Variants in SLFN12L observed in about 807,000 individuals in gnomAD.
SLFN12L encodes schlafen family member 12 like.
Under a neutral mutation model 34.8 loss-of-function variants are expected in SLFN12L, and 34 were observed. That is an observed-to-expected ratio of 0.98 (90% confidence interval 0.74 to 1.30). The LOEUF (loss-of-function observed/expected upper bound fraction) is 1.30. Among genes scored for constraint, SLFN12L ranks in the 50% most tolerant of loss-of-function variants. The probability of loss-of-function intolerance (pLI) is 0.00; values close to 1 mark genes in which losing one functional copy is unlikely to be tolerated. For synonymous variants in SLFN12L, 259 were observed against 247.5 expected (o/e 1.05, Z -0.44); for missense variants, 703 against 696.2 (o/e 1.01, Z -0.11).
chr17:35,532,060 T>C (rs1567695779), intron 1 of SLFN12L, among the ~76,000 whole-genome samples: 2 of 152,330 alleles, frequency 1.3e-5, no homozygotes, highest in South Asian at 4.1e-4. Flanking sequence ...AAAACTCTAG[T>C]AGATTTCTTC....
At chr17:35,515,706 C>T (rs908086341) in intron 2 of SLFN12L, among the ~76,000 whole-genome samples, 10 of 136,624 alleles carry the variant, frequency 7.3e-5, no homozygotes, top group Non-Finnish European at 6.1e-5. Context: ...TGAAGTGGCA[C>T]GATCTTGGCT....
Position 35,466,795 on chromosome 17 carries a change from G to A in SLFN12L, c.*8128C>T, listed in dbSNP as rs1913725105. On this transcript the variant is annotated 3_prime_UTR_variant, in exon 5 of 5. Coordinates refer to ENST00000628453, the MANE Select transcript of SLFN12L (RefSeq NM_001363830.2). ...CTCTACTCATGCCTCCTAAAGTCTA[G>A]ACCACCTGTGATGGCTACGAATTGC... Among the ~76,000 whole-genome samples the A allele has an allele frequency of 6.6e-6, 1 of 152,112 alleles. No homozygotes were observed. Among genetic ancestry groups the A allele is most frequent in the Admixed American group, 6.6e-5 (1 of 15,260 alleles).
intron 2 of SLFN12L, among the ~76,000 whole-genome samples, chr17:35,486,057 A>G (rs1914568854): frequency 6.6e-6 from 1 of 152,238 alleles, no homozygotes; most frequent in South Asian, 2.1e-4. Context: ...TGGTAATTTC[A>G]TAGGAATAGC....
In SLFN12L at chr17:35,469,357, T is replaced by A. The variant is rs1310812985; in HGVS notation, c.*5566A>T. 1.1e-4 allele frequency among the ~76,000 whole-genome samples: 16 copies of A among 145,926 alleles called. No homozygotes were observed. The highest frequency in any genetic ancestry group is 4.0e-4 in the African/African-American group (16 of 39,826). ...ATATATAATATATATATATATGTAT[T>A]TCAAACTTTTAACCCACTTTAAAAC... On this transcript the variant is annotated 3_prime_UTR_variant, in exon 5 of 5. Transcript: ENST00000628453.
At position 35,479,806 on chromosome 17, in the gene SLFN12L, G is replaced by A. The variant is rs763566782; in HGVS notation, c.476C>T (p.Pro159Leu). The change falls in exon 3 of 5, where the codon CCG becomes CTG. Residue 159 changes from proline (P) to leucine (L), a missense_variant. Physicochemically the swap from Pro to Leu is moderately conservative, Grantham distance 98 (BLOSUM62 -3). Transcript: ENST00000628453. The stretch of plus-strand genomic sequence containing the variant: ...ACTGGAGCTCAACGTGGCAATCTGC[G>A]GACCAGAGGTTTCCAAGCTCCATGA... The part of the protein sequence containing the change: ...VKSWSLETSG[P>L]QIATLSSSLY... 9.9e-6 allele frequency: 16 copies of A among 1,610,474 alleles called. No individual in the cohort carries two copies. The highest frequency in any genetic ancestry group is 6.7e-5 in the African/African-American group (5 of 74,388).
At chr17:35,495,139 A>G (rs547690450) in intron 2 of SLFN12L, among the ~76,000 whole-genome samples, 1 of 152,204 alleles carries the variant, frequency 6.6e-6, no homozygotes, top group East Asian at 1.9e-4. Flanking sequence ...GGCTCATGCA[A>G]TCTGCCCGCC....
At chr17:35,519,631 T>C (rs538279336) in intron 2 of SLFN12L, among the ~76,000 whole-genome samples, 1 of 152,306 alleles carries the variant, frequency 6.6e-6, no homozygotes, top group South Asian at 2.1e-4. Flanking sequence ...ACTGCACTTA[T>C]GACACCTGAG....
At position 35,490,500 on chromosome 17, in the gene SLFN12L, C is replaced by T. The variant is rs1019722243; in HGVS notation, c.87-10305G>A. 7 of 923,420 alleles carry T rather than the reference C, an allele frequency of 7.6e-6. No homozygotes were observed. In the African/African-American group the frequency reaches 1.1e-4, roughly 15 times the overall value. The allele number at this position is 923,420 out of a possible 1,614,324, so 57.2% of individuals were successfully genotyped here. On this transcript the variant is annotated intron_variant, in intron 2 of 4. Coordinates refer to ENST00000628453, the MANE Select transcript of SLFN12L (RefSeq NM_001363830.2). Reference sequence around the variant, plus strand: ...ATGATATCACCAAAGCTCTGAAAGGCATCCATCTCATTAAGAAGAAGTCTA... The same window carrying T: ...ATGATATCACCAAAGCTCTGAAAGGTATCCATCTCATTAAGAAGAAGTCTA...
At position 35,474,270 on chromosome 17, in the gene SLFN12L, G is replaced by GA. The variant is rs1913858089; in HGVS notation, c.*652dup. The GA allele has an allele frequency of 6.6e-6, 1 of 152,124 alleles. No individual in the cohort carries two copies. The highest frequency in any genetic ancestry group is 6.6e-5 in the Admixed American group (1 of 15,262). The allele number at this position is 152,124 out of a possible 1,614,324, so 9.4% of individuals were successfully genotyped here. On this transcript the variant is annotated 3_prime_UTR_variant, in exon 5 of 5. Coordinates refer to ENST00000628453, the MANE Select transcript of SLFN12L (RefSeq NM_001363830.2). ...AGAACTATGTTTTCCATGTCCATTG[G>GA]ATAAGAATGTCTGATATTTCCTTTA...
At chr17:35,512,359 ATTTTT>A (rs35126425) in intron 2 of SLFN12L, among the ~76,000 whole-genome samples, 1 of 53,868 alleles carries the variant, frequency 1.9e-5, no homozygotes, top group African/African-American at 9.8e-5. Flanking sequence ...AAAAGAGCTG[ATTTTT>A]TTTTTTTTTT....
intron 2 of SLFN12L, among the ~76,000 whole-genome samples, chr17:35,496,860 A>C (rs977499343): frequency 1.1e-4 from 16 of 152,262 alleles, no homozygotes; most frequent in African/African-American, 3.9e-4. Context: ...AAAGTCACCA[A>C]GGGCCCAAAA....
rs988543553 is a variant in SLFN12L, at chr17:35,467,262, G to T, written c.*7661C>A. ...TGATGGAGCTAGGTGGAATATTACC[G>T]AATGCTGGATGCCCTGGCCAACAAA... is the stretch of plus-strand genomic sequence containing the variant. On this transcript the variant is annotated 3_prime_UTR_variant, in exon 5 of 5. Transcript: ENST00000628453. 3.3e-5 allele frequency among the ~76,000 whole-genome samples: 5 copies of T among 152,198 alleles called. No homozygotes were observed. The highest frequency in any genetic ancestry group is 1.2e-4 in the African/African-American group (5 of 41,452).
At chr17:35,488,187 C>G (rs931671020) in intron 2 of SLFN12L, among the ~76,000 whole-genome samples, 1 of 152,128 alleles carries the variant, frequency 6.6e-6, no homozygotes, top group African/African-American at 2.4e-5. Flanking sequence ...CCAGCCTGGG[C>G]GACAGAGCAA....
At chr17:35,495,935 ACACACACACAC>A (rs762071223) in intron 2 of SLFN12L, among the ~76,000 whole-genome samples, 1 of 150,544 alleles carries the variant, frequency 6.6e-6, no homozygotes, top group African/African-American at 2.4e-5. Context: ...ACACACACAC[ACACACACACAC>A]AACAAAACGC....
At position 35,475,086 on chromosome 17, in the gene SLFN12L, A is replaced by G; in HGVS notation, c.1676T>C (p.Val559Ala). Residue 559 changes from valine to alanine, a missense_variant, in exon 5 of 5, where the codon GTA becomes GCA. Physicochemically the swap from Val to Ala is moderately conservative, Grantham distance 64. Coordinates refer to ENST00000628453, the MANE Select transcript of SLFN12L (RefSeq NM_001363830.2). ...CCAATAGTAGGATTCAGGGTAAATT[A>G]CTTGCGAGTTTAAATCATACTGGCA... ...TSCQYDLNSQ[V>A]IYPESYYWTT... 1.9e-6 allele frequency: 3 copies of G among 1,614,132 alleles called. No homozygotes were observed. The highest frequency in any genetic ancestry group is 1.3e-5 in the African/African-American group (1 of 75,082).
rs751535670 is a variant in SLFN12L at position 35,479,433 on chromosome 17, T to C, written c.849A>G (p.Leu283=). 13 of 1,614,184 alleles carry C rather than the reference T, an allele frequency of 8.1e-6. 1 individual carries two copies. The Middle Eastern group carries it at 6.6e-4, about 82-fold the overall frequency. Residue 283 remains leucine, a synonymous_variant, in exon 3 of 5, where the codon CTA becomes CTG. Coordinates refer to ENST00000628453, the MANE Select transcript of SLFN12L (RefSeq NM_001363830.2). ...AGCCAATTACTTCTTTATCTTCATT[T>C]AGACCAACGAATAAATATCCTCCAT... ...NTDGGYLFVG[L]NEDKEVIGFK...
At chr17:35,478,417 C>A (rs776762620) in intron 3 of SLFN12L, 3 of 292,988 alleles carry the variant, frequency 1.0e-5, no homozygotes, top group Admixed American at 5.4e-5. Context: ...GGAAAATTAA[C>A]AGTAAAAATG....
At position 35,475,355 on chromosome 17, in the gene SLFN12L, C is replaced by G. The variant is rs1384587333; in HGVS notation, c.1407G>C (p.Arg469Ser). Residue 469 changes from arginine to serine, a missense_variant, in exon 5 of 5, where the codon AGG becomes AGC. Physicochemically the swap from Arg to Ser is moderately radical, Grantham distance 110. Transcript: ENST00000628453. ...SVNKGSLIFS[R>S]SWSLDLGLQE... ...GCAAGCCCAGATCCAAAGACCAGCT[C>G]CTAGAGAAGATCAGTGAGCCCTTAT... is the stretch of plus-strand genomic sequence containing the variant. 14 of 1,614,148 alleles carry G rather than the reference C, an allele frequency of 8.7e-6. No homozygotes were observed. Among genetic ancestry groups the G allele is most frequent in the African/African-American group, 6.7e-5 (5 of 75,016 alleles).
At chr17:35,534,614 T>A (rs1018208603) in intron 1 of SLFN12L, among the ~76,000 whole-genome samples, 1 of 152,066 alleles carries the variant, frequency 6.6e-6, no homozygotes, top group Non-Finnish European at 1.5e-5. Context: ...GATTTAGAAG[T>A]AAGCCGAGGG....
Sources: gnomAD v4.1 joint callset for allele counts (sites outside exome capture counted in the v4.1 genomes callset) on GRCh38, gnomAD v4.1.1 for gene constraint, MANE v1.5 for transcripts, NCBI Gene and HGNC (gene_info 2026-07-23, HGNC 2026-07-21) for gene names.